CDH4: variants seen among roughly 807,000 people sequenced by gnomAD.
CDH4 encodes cadherin 4, also known as cadherin-4.
A neutral mutation model predicts 86.0 loss-of-function variants in CDH4; 33 were observed. The observed-to-expected ratio is 0.38, with a 90% CI of 0.29 to 0.51. CDH4 has a LOEUF of 0.51. Ranked by LOEUF, CDH4 falls within the 20% of genes least tolerant of loss-of-function variation. CDH4 has a pLI of 0.86. For synonymous variants in CDH4, 555 were observed against 549.4 expected (o/e 1.01, Z -0.14); for missense variants, 1,114 against 1,307.4 (o/e 0.85, Z 2.28).
chr20:61,723,376 G>A (rs1342639056), intron 2 of CDH4, among the ~76,000 whole-genome samples: 1 of 152,180 alleles, frequency 6.6e-6, no homozygotes, highest in Non-Finnish European at 1.5e-5. Context: ...GTGCGCCATG[G>A]GGCAAGCAGT....
At position 61,746,816 on chromosome 20, in the gene CDH4, T is replaced by C. The variant is rs1016976862; in HGVS notation, c.396+3027T>C. Among the ~76,000 whole-genome samples the C allele has an allele frequency of 2.0e-5, 3 of 152,230 alleles. No homozygotes were observed. In the East Asian group the frequency reaches 5.8e-4, roughly 29 times the overall value. On this transcript the variant is annotated intron_variant, in intron 3 of 15. Transcript: ENST00000614565. ...GGTTCCAGGCTTCACAGTCCTGTGCTTATCACAGTGCTGGGCCTTGCCAGG... is the reference window on the plus strand; with the variant it reads ...GGTTCCAGGCTTCACAGTCCTGTGCCTATCACAGTGCTGGGCCTTGCCAGG...
chr20:61,253,838 T>C (rs1345556808), intron 1 of CDH4, among the ~76,000 whole-genome samples: 1 of 151,770 alleles, frequency 6.6e-6, no homozygotes, highest in Admixed American at 6.5e-5. Context: ...CGCGCGGAGC[T>C]GGAGGAGGCG....
At chr20:61,656,266 C>G (rs1293514914) in intron 2 of CDH4, among the ~76,000 whole-genome samples, 1 of 116,912 alleles carries the variant, frequency 8.6e-6, no homozygotes, top group Non-Finnish European at 1.8e-5. Flanking sequence ...GGTGGGCAGG[C>G]GCGTGCTGGG....
In CDH4 at chr20:61,802,591, C is replaced by T. The variant is rs948523304; in HGVS notation, c.576+29409C>T. 5.3e-5 allele frequency among the ~76,000 whole-genome samples: 8 copies of T among 152,146 alleles called. No individual in the cohort carries two copies. The South Asian group carries it at 1.0e-3, about 20-fold the overall frequency. On this transcript the variant is annotated intron_variant, in intron 4 of 15. Coordinates refer to ENST00000614565, the MANE Select transcript of CDH4 (RefSeq NM_001794.5). Reference sequence around the variant, plus strand: ...GTCTCCGTTGGGAGCAATTTCCAAACGGGAGTCCACGCGTGGGTTTTTCGC... The same window carrying T: ...GTCTCCGTTGGGAGCAATTTCCAAATGGGAGTCCACGCGTGGGTTTTTCGC...
intron 2 of CDH4, among the ~76,000 whole-genome samples, chr20:61,559,512 TTTTTTTC>T (rs2086200565): frequency 3.0e-5 from 4 of 132,202 alleles, no homozygotes; most frequent in African/African-American, 1.4e-4. Flanking sequence ...CTTTTTAATT[TTTTTTTC>T]TTTTTTTTTT....
intron 2 of CDH4, among the ~76,000 whole-genome samples, chr20:61,721,629 C>T (rs951557072): frequency 9.9e-5 from 15 of 152,176 alleles, no homozygotes; most frequent in Non-Finnish European, 7.3e-5. Flanking sequence ...TCAGGAGAAA[C>T]GCTTCATTTG....
intron 2 of CDH4, among the ~76,000 whole-genome samples, chr20:61,307,126 G>A (rs559695997): frequency 1.4e-5 from 2 of 142,088 alleles, no homozygotes; most frequent in East Asian, 2.1e-4. Context: ...TGCCTTAGGA[G>A]GAATTCCTTT....
In CDH4 at chr20:61,392,836, C is replaced by T. The variant is rs116355361; in HGVS notation, c.169+137899C>T. ...GTGCTCTAGAAATGTCAGATGCATT[C>T]GTCTTCCATTAGCCCCTCCACCATC... On this transcript the variant is annotated intron_variant, in intron 2 of 15. Transcript: ENST00000614565. The surrounding 1 kb of genome is among the most constrained non-coding windows in gnomAD (Gnocchi z 5.7). Among the ~76,000 whole-genome samples the T allele has an allele frequency of 0.033, 5,076 of 152,202 alleles. 108 individuals are homozygous for T. The highest frequency in any genetic ancestry group is 0.068 in the Middle Eastern group (20 of 294).
intron 2 of CDH4, among the ~76,000 whole-genome samples, chr20:61,547,494 A>G (rs1050488724): frequency 4.7e-5 from 7 of 148,234 alleles, no homozygotes; most frequent in South Asian, 2.2e-4. Context: ...GATTACAGGC[A>G]TGAGCCACCG....
chr20:61,413,912 C>T (rs1211392103), intron 2 of CDH4, among the ~76,000 whole-genome samples: 3 of 152,144 alleles, frequency 2.0e-5, no homozygotes, highest in African/African-American at 7.2e-5. Flanking sequence ...CATTTTCTTA[C>T]CATTCTGGCA....
At chr20:61,781,064 G>A (rs1331496077) in intron 4 of CDH4, among the ~76,000 whole-genome samples, 1 of 152,194 alleles carries the variant, frequency 6.6e-6, no homozygotes, top group Non-Finnish European at 1.5e-5. Context: ...GAAAGCAACA[G>A]TCAGCAGACG....
intron 2 of CDH4, among the ~76,000 whole-genome samples, chr20:61,504,489 CGG>C (rs899931936): frequency 6.6e-6 from 1 of 151,998 alleles, no homozygotes; most frequent in African/African-American, 2.4e-5. Context: ...GGGATCTCAA[CGG>C]GGGGCAGGGG....
At chr20:61,557,002 G>A (rs538628518) in intron 2 of CDH4, among the ~76,000 whole-genome samples, 2 of 152,256 alleles carry the variant, frequency 1.3e-5, no homozygotes, top group East Asian at 3.9e-4. Flanking sequence ...TTCTCTCTGG[G>A]GCTTTCCAAA....
At chr20:61,662,836 G>C (rs544255273) in intron 2 of CDH4, among the ~76,000 whole-genome samples, 33 of 152,166 alleles carry the variant, frequency 2.2e-4, no homozygotes, top group Non-Finnish European at 4.6e-4. Flanking sequence ...ACAGTGCCCT[G>C]CCCTCCTATC....
intron 3 of CDH4, among the ~76,000 whole-genome samples, chr20:61,756,488 C>T (rs2088566306): frequency 3.3e-5 from 5 of 151,894 alleles, no homozygotes; most frequent in South Asian, 2.1e-4. Flanking sequence ...TCACATGGTC[C>T]ATATCCCCTA....
intron 2 of CDH4, among the ~76,000 whole-genome samples, chr20:61,405,005 G>A (rs2085073411): frequency 6.6e-6 from 1 of 152,186 alleles, no homozygotes; most frequent in Non-Finnish European, 1.5e-5. Flanking sequence ...AGCTGAGATC[G>A]CGCCCCCGCA....
At chr20:61,887,477 GCACA>G (rs535276458) in intron 7 of CDH4, among the ~76,000 whole-genome samples, 2 of 152,158 alleles carry the variant, frequency 1.3e-5, no homozygotes, top group African/African-American at 4.8e-5. Flanking sequence ...GTGTATACAC[GCACA>G]CACAGGCATG....
At chr20:61,739,549 C>T (rs2088308022) in intron 2 of CDH4, among the ~76,000 whole-genome samples, 1 of 152,348 alleles carries the variant, frequency 6.6e-6, no homozygotes, top group Non-Finnish European at 1.5e-5. Context: ...CCCAGCCAGG[C>T]CTGAGCACTG....
intron 2 of CDH4, among the ~76,000 whole-genome samples, chr20:61,587,114 A>G (rs61169990): frequency 0.026 from 4,017 of 152,298 alleles, 70 homozygotes; most frequent in Middle Eastern, 0.075. Flanking sequence ...CATCAGTACC[A>G]TTGATCCAAG....
Sources: allele counts gnomAD v4.1 joint callset (sites outside exome capture counted in the v4.1 genomes callset), GRCh38; gene constraint gnomAD v4.1.1; non-coding constraint Gnocchi (gnomAD v3.1); transcripts MANE v1.5; gene names NCBI Gene and HGNC (gene_info 2026-07-23, HGNC 2026-07-21).